ETV1: variants seen among roughly 807,000 people sequenced by gnomAD.
The protein encoded by ETV1 is ETS variant transcription factor 1.
A neutral mutation model predicts 62.3 loss-of-function variants in ETV1; 27 were observed. The ratio of observed to expected loss-of-function variants is 0.43; its 90% CI spans 0.32 to 0.60. The LOEUF (loss-of-function observed/expected upper bound fraction) is 0.60. ETV1 is among the 20% of genes least tolerant of loss of function. The pLI, the probability that ETV1 is intolerant of heterozygous loss-of-function variation, is 0.06. For missense variants in ETV1, 605 were observed against 605.8 expected, an observed-to-expected ratio of 1.00 and a Z score of 0.01; for synonymous variants, 222 against 199.6, an observed-to-expected ratio of 1.11 and a Z score of -0.94.
rs1781676623 is a variant in ETV1, at chr7:13,895,432, T to C, written c.*434A>G. 2 of 239,406 alleles carry C rather than the reference T, an allele frequency of 8.4e-6. No individual in the cohort carries two copies. Among genetic ancestry groups the C allele is most frequent in the African/African-American group, 2.2e-5 (1 of 45,414 alleles). The allele number at this position is 239,406 out of a possible 1,614,324, so 14.8% of individuals were successfully genotyped here. A position where few individuals can be genotyped will look rare whatever the true frequency, so the allele number is the denominator to read the frequency against. ...GAGACTCATAAATGACAGGGGAAAA[T>C]GCCCAAGGCAAATAGTCTCCAAGTG... On this transcript the variant is annotated 3_prime_UTR_variant, in exon 14 of 14. Coordinates refer to ENST00000430479, the MANE Select transcript of ETV1 (RefSeq NM_004956.5).
At chr7:13,941,826 G>A (rs1388095085) in intron 6 of ETV1, among the ~76,000 whole-genome samples, 7 of 150,778 alleles carry the variant, frequency 4.6e-5, no homozygotes, top group Admixed American at 4.6e-4. Context: ...TCGCGGCAGT[G>A]CACTCCAGCC....
Position 13,931,743 on chromosome 7 carries a change from G to A in ETV1, c.561C>T (p.Arg187=), listed in dbSNP as rs767542648. The A allele has an allele frequency of 6.2e-7, 1 of 1,613,932 alleles. No homozygotes were observed. The highest frequency in any genetic ancestry group is 8.5e-7 in the Non-Finnish European group (1 of 1,179,822). ...AGTTACAGGGTTCAGAAAGCTGGCG[G>A]CGAAATCTAGGGAATAAGAGAGTGT... is the stretch of plus-strand genomic sequence containing the variant. ...DSSYPMDHRF[R]RQLSEPCNSF... The change falls in exon 9 of 14, where the codon CGC becomes CGT. Residue 187 remains arginine, a synonymous_variant. Transcript: ENST00000430479.
At chr7:13,948,483 A>G (rs925457940) in intron 6 of ETV1, among the ~76,000 whole-genome samples, 3 of 152,214 alleles carry the variant, frequency 2.0e-5, no homozygotes, top group African/African-American at 7.2e-5. Flanking sequence ...TTCAAAAATC[A>G]TGTTTTAGAA....
intron 9 of ETV1, among the ~76,000 whole-genome samples, chr7:13,927,045 C>A (rs368111431): frequency 2.8e-4 from 42 of 152,094 alleles, no homozygotes; most frequent in African/African-American, 9.4e-4. Flanking sequence ...TACGAGGCTT[C>A]TTTTATTTTC....
chr7:13,893,840 T>A lies in ETV1; in HGVS notation c.*2026A>T. ...CATAAGCATAGTGGGGAGAAAAGGT[T>A]CTGATTTTTAAGGCATAGTTTTCTT... On this transcript the variant is annotated 3_prime_UTR_variant, in exon 14 of 14. Coordinates refer to ENST00000430479, the MANE Select transcript of ETV1 (RefSeq NM_004956.5). 4.3e-6 allele frequency: 1 copy of A among 233,152 alleles called. No homozygotes were observed. The highest frequency in any genetic ancestry group is 6.1e-5 in the East Asian group (1 of 16,446). The allele number at this position is 233,152 out of a possible 1,614,324, so 14.4% of individuals were successfully genotyped here. A position where few individuals can be genotyped will look rare whatever the true frequency, so the allele number is the denominator to read the frequency against.
At position 13,895,033 on chromosome 7, in the gene ETV1, A is replaced by G. The variant is rs1442897477; in HGVS notation, c.*833T>C. On this transcript the variant is annotated 3_prime_UTR_variant, in exon 14 of 14. Coordinates refer to ENST00000430479, the MANE Select transcript of ETV1 (RefSeq NM_004956.5). ...GCTTCATTTTGATTCCAGATTTAACATTTAAATGAAGATTCCAAAGGACCA... is the reference window on the plus strand; with the variant it reads ...GCTTCATTTTGATTCCAGATTTAACGTTTAAATGAAGATTCCAAAGGACCA... 1 of 233,206 alleles carries G rather than the reference A, an allele frequency of 4.3e-6. No individual in the cohort carries two copies. Among genetic ancestry groups the G allele is most frequent in the Non-Finnish European group, 8.5e-6 (1 of 117,844 alleles). The allele number at this position is 233,206 out of a possible 1,614,324, so 14.4% of individuals were successfully genotyped here.
chr7:13,940,604 G>A (rs1461031622), intron 6 of ETV1, among the ~76,000 whole-genome samples: 1 of 152,038 alleles, frequency 6.6e-6, no homozygotes, highest in African/African-American at 2.4e-5. Flanking sequence ...ACGTTCTGGA[G>A]ATTTATTCTA....
chr7:13,936,516 GT>G (rs2128456751), intron 7 of ETV1, among the ~76,000 whole-genome samples: 1 of 152,200 alleles, frequency 6.6e-6, no homozygotes, highest in Non-Finnish European at 1.5e-5. Flanking sequence ...TAGAGAATAA[GT>G]AAAAAATAAT....
chr7:13,913,119 G>A (rs960173397), intron 9 of ETV1, among the ~76,000 whole-genome samples: 6 of 152,090 alleles, frequency 3.9e-5, no homozygotes, highest in Admixed American at 1.3e-4. Flanking sequence ...CTAGCTAAGC[G>A]GCGACTTCAA....
intron 6 of ETV1, chr7:13,974,817 G>A (rs1781259938): frequency 6.6e-6 from 1 of 152,298 alleles, no homozygotes; most frequent in Non-Finnish European, 1.5e-5. Flanking sequence ...TGGACTTGCT[G>A]AGTGTAAATT....
chr7:13,958,506 C>T (rs905131234), intron 6 of ETV1, among the ~76,000 whole-genome samples: 2 of 152,154 alleles, frequency 1.3e-5, no homozygotes, highest in Admixed American at 1.3e-4. Flanking sequence ...GAAGCCCAGT[C>T]GATTATGTAG....
At chr7:13,902,312 CT>C (rs1782523524) in intron 12 of ETV1, among the ~76,000 whole-genome samples, 1 of 151,658 alleles carries the variant, frequency 6.6e-6, no homozygotes. Context: ...GCTATTTTCC[CT>C]CTCAGTAATT....
In ETV1 at chr7:13,977,467, G is replaced by T. The variant is rs1295869839; in HGVS notation, c.195C>A (p.Asp65Glu). Residue 65 changes from aspartate to glutamate, a missense_variant, in exon 6 of 14, where the codon GAC becomes GAA. Around this residue, in one of 3 missense-constraint regions of ETV1, gnomAD observed 426 missense variants for 377.8 expected, o/e 1.13. Coordinates refer to ENST00000430479, the MANE Select transcript of ETV1 (RefSeq NM_004956.5). ...ETWLAEAQVP[D>E]NDEQFVPDYQ... Reference sequence around the variant, plus strand: ...AGTCTGGTACAAACTGCTCATCATTGTCAGGTACCTGAGCTGAAGAAGAAA... The same window carrying T: ...AGTCTGGTACAAACTGCTCATCATTTTCAGGTACCTGAGCTGAAGAAGAAA... 6.5e-7 allele frequency: 1 copy of T among 1,545,694 alleles called. No individual in the cohort carries two copies. Among genetic ancestry groups the T allele is most frequent in the South Asian group, 1.2e-5 (1 of 83,196 alleles).
intron 9 of ETV1, among the ~76,000 whole-genome samples, chr7:13,927,002 T>C (rs1785500459): frequency 6.6e-6 from 1 of 152,202 alleles, no homozygotes; most frequent in East Asian, 1.9e-4. Context: ...TGTCAGGCTT[T>C]ATTAGAGCAC....
upstream of ETV1, chr7:13,989,761 C>G (rs1480936820): frequency 5.0e-6 from 2 of 396,782 alleles, no homozygotes; most frequent in Non-Finnish European, 8.9e-6. Flanking sequence ...CTCCGCGTCT[C>G]TTTCACAAGA....
chr7:13,963,546 T>G (rs1238451061), intron 6 of ETV1, among the ~76,000 whole-genome samples: 4 of 151,062 alleles, frequency 2.6e-5, no homozygotes, highest in African/African-American at 7.3e-5. Flanking sequence ...AAAAAAAAAC[T>G]TCATGCACAC....
chr7:13,966,335 A>G (rs778253834), intron 6 of ETV1, among the ~76,000 whole-genome samples: 1 of 152,142 alleles, frequency 6.6e-6, no homozygotes, highest in African/African-American at 2.4e-5. Flanking sequence ...TTTTGTTAAA[A>G]TAAGTATAAA....
At chr7:13,904,787 G>C (rs564005318) in intron 12 of ETV1, among the ~76,000 whole-genome samples, 1 of 151,848 alleles carries the variant, frequency 6.6e-6, no homozygotes, top group East Asian at 1.9e-4. Flanking sequence ...TCATGCGAAA[G>C]GGCTTTCAAA....
chr7:13,906,643 G>A (rs891073804), intron 11 of ETV1, 44 bp from the exon 12 acceptor site: 6 of 1,394,706 alleles, frequency 4.3e-6, no homozygotes, highest in Non-Finnish European at 2.9e-6. Context: ...GCAATACTAT[G>A]CTATCTTACA....
Sources: allele counts gnomAD v4.1 joint callset (sites outside exome capture counted in the v4.1 genomes callset), GRCh38; gene constraint gnomAD v4.1.1; regional missense constraint gnomAD v4.1.1; transcripts MANE v1.5; gene names NCBI Gene and HGNC (gene_info 2026-07-23, HGNC 2026-07-21).